TMEM67: variants seen among roughly 807,000 people sequenced by gnomAD.
TMEM67 encodes transmembrane protein 67.
In TMEM67, 124 loss-of-function variants were observed where a neutral mutation model predicts 136.6. That is an observed-to-expected ratio of 0.91 (90% CI 0.78 to 1.05). The LOEUF is 1.05. Ranked by LOEUF, TMEM67 falls within the 50% of genes least tolerant of loss-of-function variation. The pLI, the probability that TMEM67 is intolerant of heterozygous loss-of-function variation, is 0.00. For missense variants in TMEM67, 1,107 were observed against 1,178.4 expected (o/e 0.94, Z 0.89); for synonymous variants, 364 against 390.5 (o/e 0.93, Z 0.80).
intron 26 of TMEM67, among the ~76,000 whole-genome samples, chr8:93,814,135 C>CTTTTT (rs55774610): frequency 6.6e-5 from 4 of 60,780 alleles, no homozygotes; most frequent in African/African-American, 2.3e-4. Context: ...TATATGTATA[C>CTTTTT]TTTTTTTTTT....
chr8:93,778,951 T>G (rs1813682868), intron 7 of TMEM67, among the ~76,000 whole-genome samples: 2 of 152,232 alleles, frequency 1.3e-5, no homozygotes, highest in Non-Finnish European at 2.9e-5. Context: ...AAGAGTGTCT[T>G]CCAACTTGGT....
chr8:93,802,952 G>A (rs1814931563), intron 21 of TMEM67, among the ~76,000 whole-genome samples: 1 of 152,140 alleles, frequency 6.6e-6, no homozygotes, highest in Non-Finnish European at 1.5e-5. Context: ...ATGAGATAGA[G>A]AGTAACTAGA....
the TMEM67 span, among the ~76,000 whole-genome samples, chr8:93,827,670 G>T: frequency 2.4e-4 from 37 of 151,388 alleles, 1 homozygote; most frequent in African/African-American, 9.0e-4. Flanking sequence ...TGTGGCCCAG[G>T]CTGGTCTTGA....
intron 1 of TMEM67, among the ~76,000 whole-genome samples, chr8:93,755,524 A>C (rs1426695872): frequency 6.6e-6 from 1 of 152,028 alleles, no homozygotes; most frequent in African/African-American, 2.4e-5. Context: ...TCTCCATTTT[A>C]TTGTAGAGGA....
intron 16 of TMEM67, 168 bp from the exon 17 acceptor site, chr8:93,795,241 C>A: frequency 9.0e-6 from 6 of 669,418 alleles, no homozygotes; most frequent in South Asian, 3.5e-5. Context: ...CAAAAGGTAG[C>A]AAGGAGGAGG....
At chr8:93,810,205 G>A (rs1326097089) in intron 26 of TMEM67, among the ~76,000 whole-genome samples, 2 of 149,786 alleles carry the variant, frequency 1.3e-5, no homozygotes, top group Non-Finnish European at 1.5e-5. Context: ...TCTTGACCTC[G>A]TGATCCGCCC....
chr8:93,791,654 T>C (rs1022900393), intron 15 of TMEM67, among the ~76,000 whole-genome samples: 11 of 152,234 alleles, frequency 7.2e-5, no homozygotes, highest in Admixed American at 5.2e-4. Flanking sequence ...TTCATGACCC[T>C]AACACTTCTG....
the TMEM67 span, among the ~76,000 whole-genome samples, chr8:93,830,497 A>G: frequency 6.6e-6 from 1 of 152,134 alleles, no homozygotes; most frequent in Non-Finnish European, 1.5e-5. Context: ...TTGGGGACTG[A>G]GCCCTCAACC....
the TMEM67 span, among the ~76,000 whole-genome samples, chr8:93,829,304 T>A: frequency 6.6e-6 from 1 of 152,048 alleles, no homozygotes; most frequent in Non-Finnish European, 1.5e-5. Context: ...ATAAACTACT[T>A]TCTTGAACTC....
chr8:93,788,081 A>C, intron 14 of TMEM67, 132 bp downstream of exon 14: 1 of 697,596 alleles, frequency 1.4e-6, no homozygotes, highest in South Asian at 1.7e-5. Flanking sequence ...ACATATAGTC[A>C]AGTCTTAATT....
At chr8:93,818,807 A>G (rs570686147), downstream of TMEM67, among the ~76,000 whole-genome samples, 352 of 152,124 alleles carry the variant, frequency 2.3e-3, 3 homozygotes, top group African/African-American at 7.2e-3. Flanking sequence ...TGTGTGTGTG[A>G]GACAGAGAGA....
chr8:93,763,003 A>G, intron 3 of TMEM67: 1 of 390,014 alleles, frequency 2.6e-6, no homozygotes, highest in South Asian at 1.8e-5. Context: ...GCTCACTGCA[A>G]CCTCCACCTA....
chr8:93,760,703 C>T (rs556465684), intron 3 of TMEM67, among the ~76,000 whole-genome samples: 1 of 150,458 alleles, frequency 6.6e-6, no homozygotes, highest in Admixed American at 6.6e-5. Flanking sequence ...AAAGAAAAAC[C>T]ACAGAAGAAA....
At chr8:93,819,401 G>A (rs754846055), downstream of TMEM67, among the ~76,000 whole-genome samples, 6 of 152,126 alleles carry the variant, frequency 3.9e-5, no homozygotes, top group Non-Finnish European at 5.9e-5. Flanking sequence ...GATAGAGGGT[G>A]GAGAGAACAG....
At chr8:93,764,138 G>C (rs1812975211) in intron 4 of TMEM67, among the ~76,000 whole-genome samples, 197 bp downstream of exon 4, 2 of 152,152 alleles carry the variant, frequency 1.3e-5, no homozygotes, top group Non-Finnish European at 2.9e-5. Flanking sequence ...GGTCCAGTCT[G>C]TTAGTTGTCT....
chr8:93,756,844 G>T (rs1362052181), intron 2 of TMEM67: 2 of 152,186 alleles, frequency 1.3e-5, no homozygotes, highest in Non-Finnish European at 2.9e-5. Flanking sequence ...GGGAGGCTGA[G>T]CCTGGTGGAT....
chr8:93,801,591 G>A (rs1232374664), intron 21 of TMEM67, among the ~76,000 whole-genome samples: 2 of 151,870 alleles, frequency 1.3e-5, no homozygotes, highest in Non-Finnish European at 2.9e-5. Context: ...TAGTAGAGAC[G>A]GGGTTTTACC....
At chr8:93,760,141 A>G (rs1812763258) in intron 3 of TMEM67, 2 of 514,816 alleles carry the variant, frequency 3.9e-6, no homozygotes, top group Non-Finnish European at 5.9e-6. Context: ...TCAGGATATT[A>G]TTTGTTTGTT....
rs1808581296 is a variant in TMEM67, at chr8:93,808,946, C to T, written c.2546C>T (p.Thr849Ile). ...CAACATTATGACAGAATTCATGAGA[C>T]ACTAATAAGGGTTTGTATAAAGTAC... ...MRQHYDRIHE[T>I]LIRKNGPARL... The change falls in exon 24 of 28, where the codon ACA (threonine) becomes ATA (isoleucine). Residue 849 changes from threonine to isoleucine, a missense_variant. Thr to Ile is a moderately conservative substitution (Grantham distance 89, BLOSUM62 -1). Transcript: ENST00000453321. 1 of 1,595,950 alleles carries T rather than the reference C, an allele frequency of 6.3e-7. No homozygotes were observed. Among genetic ancestry groups the T allele is most frequent in the African/African-American group, 1.3e-5 (1 of 74,544 alleles).
Sources: gnomAD v4.1 joint callset for allele counts (sites outside exome capture counted in the v4.1 genomes callset) on GRCh38, gnomAD v4.1.1 for gene constraint, MANE v1.5 for transcripts, NCBI Gene and HGNC (gene_info 2026-07-23, HGNC 2026-07-21) for gene names.